CFAP299: variants seen among roughly 807,000 people sequenced by gnomAD.
CFAP299 encodes the protein cilia- and flagella-associated protein 299.
A neutral mutation model predicts 27.0 loss-of-function variants in CFAP299; 21 were observed. That is an observed-to-expected ratio of 0.78 (90% CI 0.55 to 1.12). CFAP299 has a LOEUF of 1.12. Ranked by LOEUF, CFAP299 falls within the 50% of genes most tolerant of loss-of-function variation. The pLI is 0.00. For synonymous variants in CFAP299, 104 were observed against 98.1 expected (o/e 1.06, Z -0.36); for missense variants, 310 against 276.6 (o/e 1.12, Z -0.86).
intron 5 of CFAP299, among the ~76,000 whole-genome samples, chr4:80,959,509 T>C (rs900610866): frequency 2.0e-5 from 3 of 151,894 alleles, no homozygotes; most frequent in Non-Finnish European, 4.4e-5. Flanking sequence ...GAAAGGGCAA[T>C]GAAAAAAAAA....
chr4:80,902,512 A>G (rs1360736524), intron 4 of CFAP299, among the ~76,000 whole-genome samples: 1 of 129,260 alleles, frequency 7.7e-6, no homozygotes, highest in African/African-American at 3.5e-5. Context: ...ATATATATCC[A>G]TATGTATGGA....
At chr4:80,496,390 G>T (rs966572955) in intron 2 of CFAP299, among the ~76,000 whole-genome samples, 11 of 152,192 alleles carry the variant, frequency 7.2e-5, no homozygotes, top group African/African-American at 2.7e-4. Flanking sequence ...CCTGGGGCAT[G>T]AACACGATGC....
At chr4:80,391,045 A>G (rs1725453428) in intron 2 of CFAP299, among the ~76,000 whole-genome samples, 1 of 151,182 alleles carries the variant, frequency 6.6e-6, no homozygotes, top group East Asian at 1.9e-4. Flanking sequence ...ACACACACAC[A>G]TATATACACA....
At chr4:80,907,218 C>T (rs975593823) in intron 4 of CFAP299, among the ~76,000 whole-genome samples, 1 of 152,192 alleles carries the variant, frequency 6.6e-6, no homozygotes, top group Non-Finnish European at 1.5e-5. Context: ...TCATCTTCAT[C>T]TGCATCTGAG....
intron 2 of CFAP299, among the ~76,000 whole-genome samples, chr4:80,582,221 T>G (rs917108662): frequency 6.6e-6 from 1 of 151,910 alleles, no homozygotes; most frequent in African/African-American, 2.4e-5. Flanking sequence ...GACTTTTCAT[T>G]GAATAAGATA....
chr4:80,911,875 G>A (rs1445606425), intron 4 of CFAP299, among the ~76,000 whole-genome samples: 2 of 152,018 alleles, frequency 1.3e-5, no homozygotes, highest in African/African-American at 2.4e-5. Context: ...GCAAAAAATG[G>A]TTTAGTTTTT....
chr4:80,476,188 A>G (rs1211586785), intron 2 of CFAP299, among the ~76,000 whole-genome samples: 1 of 152,130 alleles, frequency 6.6e-6, no homozygotes, highest in African/African-American at 2.4e-5. Flanking sequence ...CAGCTTCACC[A>G]TCACTCCCTG....
At chr4:80,950,610 C>T (rs1327200945) in intron 5 of CFAP299, among the ~76,000 whole-genome samples, 2 of 151,994 alleles carry the variant, frequency 1.3e-5, no homozygotes, top group East Asian at 3.9e-4. Flanking sequence ...CATGGGAGCA[C>T]GAAGGCATGG....
At chr4:80,729,162 CT>C (rs1723341444) in intron 3 of CFAP299, among the ~76,000 whole-genome samples, 1 of 152,208 alleles carries the variant, frequency 6.6e-6, no homozygotes, top group South Asian at 2.1e-4. Context: ...CCAGTTTGCT[CT>C]CTTAGGCAGA....
At chr4:80,609,591 A>G (rs1737859473) in intron 3 of CFAP299, among the ~76,000 whole-genome samples, 1 of 151,868 alleles carries the variant, frequency 6.6e-6, no homozygotes, top group African/African-American at 2.4e-5. Flanking sequence ...GTTATTTTTT[A>G]TTTCTTGTTT....
chr4:80,367,325 A>G (rs1723884798), intron 2 of CFAP299, among the ~76,000 whole-genome samples: 1 of 152,180 alleles, frequency 6.6e-6, no homozygotes, highest in Non-Finnish European at 1.5e-5. Context: ...AGAATAAGAA[A>G]AGTTCTTCTT....
intron 3 of CFAP299, among the ~76,000 whole-genome samples, chr4:80,852,619 A>T (rs1731590314): frequency 6.6e-6 from 1 of 152,228 alleles, no homozygotes; most frequent in South Asian, 2.1e-4. Flanking sequence ...ACTGCATTCT[A>T]TTCAAGAAAG....
At chr4:80,650,337 T>C (rs1481465381) in intron 3 of CFAP299, among the ~76,000 whole-genome samples, 1 of 152,078 alleles carries the variant, frequency 6.6e-6, no homozygotes, top group African/African-American at 2.4e-5. Context: ...TACAAAAAAC[T>C]ATGTAAACTA....
intron 3 of CFAP299, among the ~76,000 whole-genome samples, chr4:80,817,735 T>C (rs1471677151): frequency 2.0e-5 from 3 of 151,972 alleles, no homozygotes; most frequent in Admixed American, 6.6e-5. Context: ...CTTTTTTTTT[T>C]CCAAATTTCT....
At chr4:80,434,194 C>G (rs7695356) in intron 2 of CFAP299, among the ~76,000 whole-genome samples, 100,479 of 152,054 alleles carry the variant, frequency 0.66, 35,790 homozygotes, top group Non-Finnish European at 0.78. Flanking sequence ...ATTGTTGTTA[C>G]AAATATTGGT....
intron 3 of CFAP299, among the ~76,000 whole-genome samples, chr4:80,683,666 A>G (rs1048166032): frequency 6.6e-6 from 1 of 152,130 alleles, no homozygotes; most frequent in Non-Finnish European, 1.5e-5. Context: ...TGATAATGCT[A>G]GTTTTTGAAA....
intron 3 of CFAP299, among the ~76,000 whole-genome samples, chr4:80,823,590 A>C (rs972856261): frequency 6.6e-6 from 1 of 152,156 alleles, no homozygotes; most frequent in Non-Finnish European, 1.5e-5. Context: ...AAAGTTATTA[A>C]AATTCTTTAA....
chr4:80,682,106 T>C (rs1416965276), intron 3 of CFAP299, among the ~76,000 whole-genome samples: 1 of 152,210 alleles, frequency 6.6e-6, no homozygotes, highest in African/African-American at 2.4e-5. Context: ...CAAAAGTGTT[T>C]TCAGATTTAT....
chr4:80,629,584 A>G (rs1739098483), intron 3 of CFAP299, among the ~76,000 whole-genome samples: 2 of 152,144 alleles, frequency 1.3e-5, no homozygotes, highest in African/African-American at 4.8e-5. Context: ...TTATCTGTCA[A>G]TTTATAAAAA....
Sources: gnomAD v4.1 joint callset for allele counts (sites outside exome capture counted in the v4.1 genomes callset) on GRCh38, gnomAD v4.1.1 for gene constraint, MANE v1.5 for transcripts, NCBI Gene and HGNC (gene_info 2026-07-23, HGNC 2026-07-21) for gene names.